AP3M2: variants seen among roughly 807,000 people sequenced by gnomAD.
The protein encoded by AP3M2 is adaptor related protein complex 3 subunit mu 2, also known as AP-3 complex subunit mu-2.
Under a neutral mutation model 41.6 loss-of-function variants are expected in AP3M2, and 28 were observed. The ratio of observed to expected loss-of-function variants is 0.67; its 90% CI spans 0.50 to 0.92. The LOEUF (loss-of-function observed/expected upper bound fraction) is 0.92, where lower values mean the gene tolerates loss of function less well. Among genes scored for constraint, AP3M2 ranks in the 40% least tolerant of loss-of-function variants. The pLI is 0.00. For missense variants in AP3M2, 427 were observed against 521.4 expected, an observed-to-expected ratio of 0.82 and a Z score of 1.76; for synonymous variants, 193 against 186.4, an observed-to-expected ratio of 1.04 and a Z score of -0.29.
At chr8:42,166,900 C>G in intron 6 of AP3M2, 1 of 446,334 alleles carries the variant, frequency 2.2e-6, no homozygotes, top group South Asian at 2.7e-5. Flanking sequence ...GTACATTATG[C>G]CTTTGTCATA....
At chr8:42,157,877 C>A (rs921781605) in intron 2 of AP3M2, 64 bp from the exon 3 acceptor site, 10 of 1,484,132 alleles carry the variant, frequency 6.7e-6, no homozygotes, top group Non-Finnish European at 9.2e-6. Flanking sequence ...TAGGCACATT[C>A]TTTTATTTAT....
chr8:42,157,871 C>A, intron 2 of AP3M2, 70 bp from the exon 3 acceptor site: 1 of 1,449,352 alleles, frequency 6.9e-7, no homozygotes, highest in Non-Finnish European at 9.5e-7. Flanking sequence ...TCTCTGTAGG[C>A]ACATTCTTTT....
chr8:42,166,918 A>G, intron 6 of AP3M2: 1 of 502,380 alleles, frequency 2.0e-6, no homozygotes. Flanking sequence ...ATAGTAGTGT[A>G]CTTTTTGATT....
intron 3 of AP3M2, among the ~76,000 whole-genome samples, chr8:42,161,066 G>A (rs1804492873): frequency 6.6e-6 from 1 of 152,162 alleles, no homozygotes; most frequent in African/African-American, 2.4e-5. Flanking sequence ...ACTTTAGGAG[G>A]CTGAGGCGGG....
rs1250554235 is a variant in AP3M2 at position 42,167,698 on chromosome 8, A to G, written c.1044A>G (p.Pro348=). Reference sequence around the variant, plus strand: ...CTTGGGATGTAGGAAAAATAAATCCACAAAAGCTACCAAGTTTGAAGGGGA... The same window carrying G: ...CTTGGGATGTAGGAAAAATAAATCCGCAAAAGCTACCAAGTTTGAAGGGGA... ...MLSWDVGKIN[P]QKLPSLKGTM... is the part of the protein sequence containing the mutation. The change falls in exon 8 of 9, where the codon CCA becomes CCG. Residue 348 remains proline, a synonymous_variant. Coordinates refer to ENST00000396926, the MANE Select transcript of AP3M2 (RefSeq NM_006803.4). 5.0e-6 allele frequency: 8 copies of G among 1,612,582 alleles called. No individual in the cohort carries two copies. The highest frequency in any genetic ancestry group is 6.8e-6 in the Non-Finnish European group (8 of 1,179,656).
chr8:42,167,538 A>T, intron 7 of AP3M2, 128 bp from the exon 8 acceptor site: 4 of 1,381,026 alleles, frequency 2.9e-6, no homozygotes, highest in Non-Finnish European at 4.0e-6. Flanking sequence ...CAATGGAAAG[A>T]TACCCAGAGG....
At position 42,162,262 on chromosome 8, in the gene AP3M2, G is replaced by A. The variant is rs748756528; in HGVS notation, c.446-19G>A. 1 of 1,602,510 alleles carries A rather than the reference G, an allele frequency of 6.2e-7. No homozygotes were observed. The highest frequency in any genetic ancestry group is 8.5e-7 in the Non-Finnish European group (1 of 1,175,408). On this transcript the variant is annotated intron_variant, in intron 3 of 8. Coordinates refer to ENST00000396926, the MANE Select transcript of AP3M2 (RefSeq NM_006803.4). ...AGAGTCAAAATGGTGTTAAAATACAGTAATATTAATTGCCTCAGGAAGCAC... is the reference window on the plus strand; with the variant it reads ...AGAGTCAAAATGGTGTTAAAATACAATAATATTAATTGCCTCAGGAAGCAC...
In AP3M2 at chr8:42,159,799, C is replaced by T. The variant is rs966190675; in HGVS notation, c.445+1687C>T. 3.3e-5 allele frequency among the ~76,000 whole-genome samples: 5 copies of T among 152,164 alleles called. No individual in the cohort carries two copies. The South Asian group carries it at 1.0e-3, about 32-fold the overall frequency. On this transcript the variant is annotated intron_variant, in intron 3 of 8. Transcript: ENST00000396926. ...AAGCATTTTCATGGAATTTTATAAA[C>T]TGATTGAAAAATACATTTTAAAAGT...
At chr8:42,167,844 G>A (rs956339799) in intron 8 of AP3M2, 34 bp downstream of exon 8, 26 of 1,576,592 alleles carry the variant, frequency 1.6e-5, no homozygotes, top group Non-Finnish European at 2.1e-5. Context: ...GCTCCAAAGG[G>A]AACAAAAACG....
intron 5 of AP3M2, 64 bp downstream of exon 5, chr8:42,165,220 A>C (rs1000094092): frequency 7.1e-6 from 11 of 1,543,064 alleles, no homozygotes; most frequent in Non-Finnish European, 8.9e-6. Flanking sequence ...GGAAAGACAG[A>C]GTAGTGGGAA....
intron 1 of AP3M2, chr8:42,153,673 T>G (rs958876946): frequency 6.6e-6 from 1 of 151,196 alleles, no homozygotes; most frequent in South Asian, 2.1e-4. Flanking sequence ...TTTTTTTTTT[T>G]GGAGGTGGAG....
intron 3 of AP3M2, 136 bp downstream of exon 3, chr8:42,158,248 TTG>T (rs71239099): frequency 0.25 from 140,680 of 563,016 alleles, 9,473 homozygotes; most frequent in Middle Eastern, 0.3. Flanking sequence ...CTCTTTGTAG[TTG>T]TTTTTTTTTT....
At chr8:42,168,582 A>G (rs1432695029) in intron 8 of AP3M2, among the ~76,000 whole-genome samples, 1 of 152,182 alleles carries the variant, frequency 6.6e-6, no homozygotes, top group Non-Finnish European at 1.5e-5. Context: ...TCATTTATTA[A>G]TTACTTTCAT....
At chr8:42,164,204 G>A (rs78127934) in intron 4 of AP3M2, among the ~76,000 whole-genome samples, 1 of 152,212 alleles carries the variant, frequency 6.6e-6, no homozygotes, top group Admixed American at 6.5e-5. Context: ...AGAAGTGGAC[G>A]TTGTCAGGGA....
chr8:42,154,047 A>G (rs1804286979), intron 1 of AP3M2: 1 of 152,200 alleles, frequency 6.6e-6, no homozygotes, highest in Non-Finnish European at 1.5e-5. Context: ...ACAACATATA[A>G]TCAATATTAA....
Position 42,170,245 on chromosome 8 carries a change from T to G in AP3M2, c.*1184T>G, listed in dbSNP as rs1454121191. The G allele has an allele frequency of 1.3e-5, 2 of 152,382 alleles. No individual in the cohort carries two copies. The highest frequency in any genetic ancestry group is 6.5e-5 in the Admixed American group (1 of 15,310). The allele number at this position is 152,382 out of a possible 1,614,324, so 9.4% of individuals were successfully genotyped here. A position where few individuals can be genotyped will look rare whatever the true frequency, so the allele number is the denominator to read the frequency against. On this transcript the variant is annotated 3_prime_UTR_variant, in exon 9 of 9. Coordinates refer to ENST00000396926, the MANE Select transcript of AP3M2 (RefSeq NM_006803.4). ...GTAAAGTTATCATTTCCTCAGTCTT[T>G]TCTTTTGTACTCCTATCATGTATTC...
intron 3 of AP3M2, among the ~76,000 whole-genome samples, chr8:42,161,665 A>G (rs1354842490): frequency 1.3e-5 from 2 of 152,184 alleles, no homozygotes; most frequent in African/African-American, 2.4e-5. Context: ...GAAGAAGGAA[A>G]TAGAATTTAA....
Position 42,154,596 on chromosome 8 carries a change from A to G in AP3M2, c.-72-20A>G, listed in dbSNP as rs559388103. On this transcript the variant is annotated intron_variant, in intron 1 of 8. Coordinates refer to ENST00000396926, the MANE Select transcript of AP3M2 (RefSeq NM_006803.4). ...GCCTTTTGGTTGAATGGAACTGAAT[A>G]TCGCTGCTTTTGTTTTTAGAGTTGA... is the stretch of plus-strand genomic sequence containing the variant. 7 of 1,529,312 alleles carry G rather than the reference A, an allele frequency of 4.6e-6. No individual in the cohort carries two copies. The highest frequency in any genetic ancestry group is 6.1e-6 in the Non-Finnish European group (7 of 1,146,958). The allele number at this position is 1,529,312 out of a possible 1,614,324, so 94.7% of individuals were successfully genotyped here.
At chr8:42,153,524 C>G (rs1198704232) in intron 1 of AP3M2, 1 of 152,644 alleles carries the variant, frequency 6.6e-6, no homozygotes, top group Non-Finnish European at 1.5e-5. Context: ...GCTGTCTCCT[C>G]CAGGCGGCGC....
Sources: allele counts gnomAD v4.1 joint callset (sites outside exome capture counted in the v4.1 genomes callset), GRCh38; gene constraint gnomAD v4.1.1; transcripts MANE v1.5; gene names NCBI Gene and HGNC (gene_info 2026-07-23, HGNC 2026-07-21).